The following KCNMA1 variants were observed in gnomAD, a reference collection of about 807,000 sequenced individuals.
The protein encoded by KCNMA1 is potassium calcium-activated channel subfamily M alpha 1.
In KCNMA1, 29 loss-of-function variants were observed where a neutral mutation model predicts 140.0. The ratio of observed to expected loss-of-function variants is 0.21; its 90% confidence interval spans 0.15 to 0.28. The LOEUF (loss-of-function observed/expected upper bound fraction) is 0.28. Ranked by LOEUF, KCNMA1 falls within the 10% of genes least tolerant of loss-of-function variation. KCNMA1 has a pLI of 1.00. For synonymous variants in KCNMA1, 612 were observed against 611.9 expected, an observed-to-expected ratio of 1.00 and a Z score of 0.00; for missense variants, 880 against 1,602.2, an observed-to-expected ratio of 0.55 and a Z score of 7.70.
intron 19 of KCNMA1, among the ~76,000 whole-genome samples, chr10:76,989,505 T>C (rs2082174404): frequency 6.6e-6 from 1 of 152,192 alleles, no homozygotes; most frequent in African/African-American, 2.4e-5. Flanking sequence ...TCTCAGAGTT[T>C]AAAGGAAACT....
chr10:76,878,067 T>A (rs1391622869), intron 29 of KCNMA1, among the ~76,000 whole-genome samples: 2 of 151,868 alleles, frequency 1.3e-5, no homozygotes, highest in African/African-American at 4.8e-5. Context: ...GAACCTGAAA[T>A]ATACCTCTGC....
intron 2 of KCNMA1, among the ~76,000 whole-genome samples, chr10:77,286,452 G>A (rs1004763302): frequency 1.3e-5 from 2 of 152,114 alleles, no homozygotes; most frequent in East Asian, 1.9e-4. Flanking sequence ...GCTGGGTCAG[G>A]CCACCACCTA....
intron 9 of KCNMA1, among the ~76,000 whole-genome samples, chr10:77,105,627 T>C (rs2097184566): frequency 6.6e-6 from 1 of 152,236 alleles, no homozygotes; most frequent in African/African-American, 2.4e-5. Context: ...CATGTATGTG[T>C]GTGTCCATGG....
intron 1 of KCNMA1, among the ~76,000 whole-genome samples, chr10:77,497,684 T>A (rs2042439931): frequency 6.6e-6 from 1 of 152,210 alleles, no homozygotes. Flanking sequence ...TATCACAGAA[T>A]CTTAGAATCT....
intron 2 of KCNMA1, among the ~76,000 whole-genome samples, chr10:77,323,590 G>A (rs115596331): frequency 6.6e-4 from 100 of 152,316 alleles, no homozygotes; most frequent in African/African-American, 2.3e-3. Flanking sequence ...ATGGCAAGAG[G>A]TTCACCACAT....
chr10:76,879,410 A>G (rs1260109306), intron 29 of KCNMA1, among the ~76,000 whole-genome samples: 2 of 152,196 alleles, frequency 1.3e-5, no homozygotes, highest in Non-Finnish European at 2.9e-5. Context: ...AGATTGGACG[A>G]TAGGAATTCA....
intron 19 of KCNMA1, among the ~76,000 whole-genome samples, chr10:76,973,800 A>G (rs574893162): frequency 6.6e-6 from 1 of 151,818 alleles, no homozygotes; most frequent in South Asian, 2.1e-4. Context: ...CAGCCGCGCC[A>G]GACTGCAAAC....
intron 19 of KCNMA1, among the ~76,000 whole-genome samples, chr10:76,982,169 C>T (rs977238887): frequency 6.6e-6 from 1 of 152,040 alleles, no homozygotes; most frequent in East Asian, 1.9e-4. Flanking sequence ...GAACCACAAG[C>T]CTAGCCAGAG....
intron 3 of KCNMA1, among the ~76,000 whole-genome samples, chr10:77,223,334 TA>T (rs140030297): frequency 0.058 from 8,758 of 152,234 alleles, 295 homozygotes; most frequent in South Asian, 0.083. Context: ...CAGATGACAT[TA>T]ACCCAGCCAC....
intron 23 of KCNMA1, among the ~76,000 whole-genome samples, chr10:76,922,281 T>C (rs2056129253): frequency 6.6e-6 from 1 of 152,206 alleles, no homozygotes; most frequent in African/African-American, 2.4e-5. Flanking sequence ...AGTTATTATA[T>C]CCAAGGTCAC....
At chr10:77,228,434 A>G (rs925183400) in intron 3 of KCNMA1, among the ~76,000 whole-genome samples, 1 of 152,152 alleles carries the variant, frequency 6.6e-6, no homozygotes, top group Non-Finnish European at 1.5e-5. Context: ...ATGATCGAGA[A>G]GAGCACTATA....
rs374779372 is a variant in KCNMA1, at chr10:77,202,665, A to G, written c.603-17749T>C. 5.9e-5 allele frequency among the ~76,000 whole-genome samples: 9 copies of G among 152,324 alleles called. 1 individual carries two copies. In the East Asian group the frequency reaches 1.4e-3, roughly 23 times the overall value. ...ACAACTGAAAAGGCTTCAAGAATGA[A>G]TGTCTAATTGGTGGAATTTCAGGTA... On this transcript the variant is annotated intron_variant, in intron 3 of 27. Coordinates refer to ENST00000286628, the MANE Select transcript of KCNMA1 (RefSeq NM_001161352.2).
intron 16 of KCNMA1, among the ~76,000 whole-genome samples, chr10:77,025,242 G>GTGTGTATATATA (rs1436772387): frequency 4.7e-5 from 2 of 42,742 alleles, no homozygotes; most frequent in African/African-American, 1.5e-4. Context: ...GGGTGTGTGT[G>GTGTGTATATATA]TATATATATA....
At chr10:77,622,191 G>C (rs567187890) in intron 1 of KCNMA1, among the ~76,000 whole-genome samples, 1 of 152,264 alleles carries the variant, frequency 6.6e-6, no homozygotes, top group South Asian at 2.1e-4. Flanking sequence ...CAACATTTAA[G>C]GTTCCTTCTC....
intron 1 of KCNMA1, among the ~76,000 whole-genome samples, chr10:77,406,146 G>T (rs2096464975): frequency 1.3e-5 from 2 of 152,200 alleles, no homozygotes; most frequent in African/African-American, 4.8e-5. Context: ...AGCCTCCCAG[G>T]CCAGCCTCAG....
intron 2 of KCNMA1, among the ~76,000 whole-genome samples, chr10:77,347,626 A>T (rs566935061): frequency 6.6e-6 from 1 of 152,266 alleles, no homozygotes; most frequent in Admixed American, 6.5e-5. Flanking sequence ...TCCTTCCTCC[A>T]TAAGACAAGG....
At chr10:76,892,575 C>T (rs2040624202) in intron 25 of KCNMA1, among the ~76,000 whole-genome samples, 1 of 152,186 alleles carries the variant, frequency 6.6e-6, no homozygotes, top group Admixed American at 6.5e-5. Flanking sequence ...AAACTCAAAT[C>T]AAAGTTTGCC....
rs547834485 is a variant in KCNMA1 at position 77,161,021 on chromosome 10, G to C, written c.808+22400C>G. ...TTCTAAAAGGCCCAGTCCCTCCAAG[G>C]CTCTTTCATCCACTCAATATGGTCA... On this transcript the variant is annotated intron_variant, in intron 5 of 27. Transcript: ENST00000286628. Among the ~76,000 whole-genome samples the C allele has an allele frequency of 3.9e-5, 6 of 152,324 alleles. No homozygotes were observed. The South Asian group carries it at 1.0e-3, about 26-fold the overall frequency.
At chr10:77,461,663 G>C (rs1432905485) in intron 1 of KCNMA1, among the ~76,000 whole-genome samples, 1 of 152,174 alleles carries the variant, frequency 6.6e-6, no homozygotes, top group Non-Finnish European at 1.5e-5. Context: ...CCTCCAGGCA[G>C]AACACTTACG....
Sources: allele counts gnomAD v4.1 joint callset (sites outside exome capture counted in the v4.1 genomes callset), GRCh38; gene constraint gnomAD v4.1.1; transcripts MANE v1.5; gene names NCBI Gene and HGNC (gene_info 2026-07-23, HGNC 2026-07-21).